SORCS3: variants seen among roughly 807,000 people sequenced by gnomAD.
SORCS3 encodes the protein VPS10 domain-containing receptor SorCS3.
A neutral mutation model predicts 146.3 loss-of-function variants in SORCS3; 57 were observed. That is an observed-to-expected ratio of 0.39 (90% CI 0.31 to 0.49). The LOEUF (loss-of-function observed/expected upper bound fraction) is 0.49. Among genes scored for constraint, SORCS3 ranks in the 20% least tolerant of loss-of-function variants. The pLI is 0.92. For synonymous variants in SORCS3, 653 were observed against 618.5 expected (o/e 1.06, Z -0.83); for missense variants, 1,341 against 1,575.5 (o/e 0.85, Z 2.52).
chr10:104,742,582 A>C (rs896115504), intron 1 of SORCS3, among the ~76,000 whole-genome samples: 1 of 152,176 alleles, frequency 6.6e-6, no homozygotes. Flanking sequence ...TGCAGGCCCA[A>C]ATTTGGGCCT....
chr10:105,179,890 T>G (rs751429561), intron 14 of SORCS3, among the ~76,000 whole-genome samples: 9 of 152,200 alleles, frequency 5.9e-5, no homozygotes, highest in African/African-American at 9.6e-5. Context: ...TGCCGTTGAA[T>G]TGAAAACTTA....
At chr10:104,931,288 C>CACA (rs1312184925) in intron 3 of SORCS3, among the ~76,000 whole-genome samples, 6 of 152,188 alleles carry the variant, frequency 3.9e-5, no homozygotes, top group African/African-American at 1.4e-4. Context: ...CAGAAAGACA[C>CACA]TGCACAATAC....
chr10:104,784,297 G>C (rs962597197), intron 1 of SORCS3, among the ~76,000 whole-genome samples: 4 of 152,108 alleles, frequency 2.6e-5, no homozygotes, highest in Non-Finnish European at 4.4e-5. Flanking sequence ...GGTGCTCCTG[G>C]TATCTAGTGA....
intron 1 of SORCS3, among the ~76,000 whole-genome samples, chr10:104,713,554 G>A (rs1042676886): frequency 6.6e-6 from 1 of 152,122 alleles, no homozygotes; most frequent in African/African-American, 2.4e-5. Flanking sequence ...TGATGTGATC[G>A]CAGGGTTTTT....
At chr10:104,696,493 T>TAG (rs1564661356) in intron 1 of SORCS3, among the ~76,000 whole-genome samples, 8 of 55,602 alleles carry the variant, frequency 1.4e-4, no homozygotes, top group Admixed American at 3.1e-4. Flanking sequence ...ATATAATATA[T>TAG]AATATATATA....
chr10:105,037,775 A>G (rs1222276071), intron 4 of SORCS3, among the ~76,000 whole-genome samples: 2 of 152,168 alleles, frequency 1.3e-5, no homozygotes, highest in African/African-American at 4.8e-5. Context: ...GGACTTTAAT[A>G]TATCTTTCTT....
intron 12 of SORCS3, among the ~76,000 whole-genome samples, chr10:105,166,019 G>T (rs1312721351): frequency 6.6e-6 from 1 of 152,098 alleles, no homozygotes; most frequent in East Asian, 1.9e-4. Flanking sequence ...TTAAGCTCTG[G>T]AGAGAAAAGC....
chr10:104,745,196 T>G (rs1367558462), intron 1 of SORCS3, among the ~76,000 whole-genome samples: 1 of 152,168 alleles, frequency 6.6e-6, no homozygotes, highest in Non-Finnish European at 1.5e-5. Context: ...CCAAAAAAAC[T>G]GAGTTAATGA....
chr10:104,821,406 G>T (rs2017871369), intron 1 of SORCS3, among the ~76,000 whole-genome samples: 1 of 152,170 alleles, frequency 6.6e-6, no homozygotes, highest in Admixed American at 6.5e-5. Flanking sequence ...CTGGCAGGCA[G>T]AGAAGGGCAG....
intron 1 of SORCS3, among the ~76,000 whole-genome samples, chr10:104,813,561 T>G (rs2017762792): frequency 6.6e-6 from 1 of 152,114 alleles, no homozygotes; most frequent in African/African-American, 2.4e-5. Flanking sequence ...GCAACTCATT[T>G]CCAGTGTGCT....
chr10:105,056,329 C>T (rs1199875194), intron 5 of SORCS3, among the ~76,000 whole-genome samples: 2 of 152,160 alleles, frequency 1.3e-5, no homozygotes, highest in Non-Finnish European at 1.5e-5. Flanking sequence ...GTGCCTTCTG[C>T]ACCCCTCTAG....
chr10:104,765,498 C>T (rs1474273920), intron 1 of SORCS3, among the ~76,000 whole-genome samples: 1 of 152,142 alleles, frequency 6.6e-6, no homozygotes, highest in African/African-American at 2.4e-5. Flanking sequence ...TGATGTATAA[C>T]GTACATGAAA....
intron 7 of SORCS3, 80 bp from the exon 8 acceptor site, chr10:105,139,317 T>C: frequency 9.6e-7 from 1 of 1,043,808 alleles, no homozygotes; most frequent in Non-Finnish European, 1.5e-6. Context: ...TTGTGGTTGT[T>C]GATAGAAGAG....
intron 4 of SORCS3, among the ~76,000 whole-genome samples, chr10:104,993,844 A>C (rs1445891585): frequency 6.6e-6 from 1 of 152,236 alleles, no homozygotes; most frequent in African/African-American, 2.4e-5. Context: ...TGACTTAATC[A>C]TTAAAGATAC....
At chr10:105,120,781 C>A (rs981699510) in intron 7 of SORCS3, among the ~76,000 whole-genome samples, 6 of 152,144 alleles carry the variant, frequency 3.9e-5, no homozygotes, top group Admixed American at 2.6e-4. Context: ...TGGGTCATGT[C>A]TAGCACAGGA....
chr10:105,122,024 C>T (rs2055937386), intron 7 of SORCS3, among the ~76,000 whole-genome samples: 4 of 152,128 alleles, frequency 2.6e-5, no homozygotes, highest in Admixed American at 2.0e-4. Context: ...TTCCCTTCCA[C>T]ATGCCAGCAA....
intron 5 of SORCS3, among the ~76,000 whole-genome samples, chr10:105,048,244 T>C (rs1245901829): frequency 6.6e-6 from 1 of 151,054 alleles, no homozygotes; most frequent in African/African-American, 2.4e-5. Context: ...TGTGTGTTTA[T>C]TGCGGCACTA....
At chr10:105,058,337 G>C (rs1000109482) in intron 5 of SORCS3, among the ~76,000 whole-genome samples, 5 of 152,232 alleles carry the variant, frequency 3.3e-5, no homozygotes, top group African/African-American at 1.2e-4. Context: ...CTGGGAATGA[G>C]AGGTCTGAGA....
chr10:104,706,425 T>C (rs749586374), intron 1 of SORCS3, among the ~76,000 whole-genome samples: 4 of 151,950 alleles, frequency 2.6e-5, no homozygotes, highest in Admixed American at 2.6e-4. Context: ...GCCAGGATGG[T>C]CTCCATCTCT....
Sources: gnomAD v4.1 joint callset for allele counts (sites outside exome capture counted in the v4.1 genomes callset) on GRCh38, gnomAD v4.1.1 for gene constraint, MANE v1.5 for transcripts, NCBI Gene and HGNC (gene_info 2026-07-23, HGNC 2026-07-21) for gene names.